The following CSMD1 variants were observed in gnomAD, a reference collection of about 807,000 sequenced individuals.
CSMD1 encodes CUB and sushi domain-containing protein 1.
A neutral mutation model predicts 417.5 loss-of-function variants in CSMD1; 213 were observed. That is an observed-to-expected ratio of 0.51 (90% CI 0.46 to 0.57). CSMD1 has a LOEUF of 0.57. Ranked by LOEUF, CSMD1 falls within the 20% of genes least tolerant of loss-of-function variation. The pLI is 0.00. For synonymous variants in CSMD1, 2,862 were observed against 1,736.8 expected (o/e 1.65, Z -16.11); for missense variants, 6,923 against 4,529.7 (o/e 1.53, Z -15.17).
intron 10 of CSMD1, among the ~76,000 whole-genome samples, chr8:3,504,689 C>T (rs1243343498): frequency 6.6e-6 from 1 of 152,138 alleles, no homozygotes; most frequent in African/African-American, 2.4e-5. Context: ...CTTTTGAATT[C>T]CCGGCAAATT....
chr8:4,673,396 C>A (rs534805497), intron 1 of CSMD1, among the ~76,000 whole-genome samples: 1 of 152,148 alleles, frequency 6.6e-6, no homozygotes, highest in Non-Finnish European at 1.5e-5. Context: ...CTGCTGCCAT[C>A]TGTAAGGATT....
chr8:4,352,090 C>G (rs1459571516), intron 3 of CSMD1, among the ~76,000 whole-genome samples: 1 of 152,036 alleles, frequency 6.6e-6, no homozygotes, highest in East Asian at 1.9e-4. Flanking sequence ...CCTTCTACTG[C>G]TGGAATACTT....
chr8:2,960,626 A>G (rs2128924911), intron 62 of CSMD1, among the ~76,000 whole-genome samples: 1 of 152,314 alleles, frequency 6.6e-6, no homozygotes, highest in South Asian at 2.1e-4. Flanking sequence ...TAGTACGCTA[A>G]TAATTCATAG....
At chr8:3,766,119 G>A (rs965119675) in intron 5 of CSMD1, among the ~76,000 whole-genome samples, 7 of 152,164 alleles carry the variant, frequency 4.6e-5, no homozygotes, top group African/African-American at 7.2e-5. Context: ...TAAGACAGTC[G>A]AGAGACAGTG....
At chr8:3,751,416 T>C (rs1414413967) in intron 6 of CSMD1, among the ~76,000 whole-genome samples, 1 of 147,898 alleles carries the variant, frequency 6.8e-6, no homozygotes, top group Non-Finnish European at 1.5e-5. Context: ...ATAAATTTAA[T>C]TAAATATAAC....
chr8:3,206,015 C>T (rs918045706), intron 30 of CSMD1, among the ~76,000 whole-genome samples: 4 of 152,114 alleles, frequency 2.6e-5, no homozygotes, highest in African/African-American at 9.7e-5. Flanking sequence ...AGTTTTCTAT[C>T]ACTTTTATAT....
rs771070742 is a variant in CSMD1, at chr8:4,266,765, T to G, written c.415+153188A>C. Among the ~76,000 whole-genome samples the G allele has an allele frequency of 3.8e-5, 4 of 105,010 alleles. 1 individual carries two copies. Among genetic ancestry groups the G allele is most frequent in the Non-Finnish European group, 7.7e-5 (3 of 38,948 alleles). 68.9% of individuals were successfully genotyped at this position (105,010 alleles called of 152,430 possible). Reference sequence around the variant, plus strand: ...TAAAAATTTGATGATCTATAAATCCTCAAAATAGTAGCACAGAGAATCTAG... The same window carrying G: ...TAAAAATTTGATGATCTATAAATCCGCAAAATAGTAGCACAGAGAATCTAG... On this transcript the variant is annotated intron_variant, in intron 3 of 69. Coordinates refer to ENST00000635120, the MANE Select transcript of CSMD1 (RefSeq NM_033225.6).
intron 2 of CSMD1, among the ~76,000 whole-genome samples, chr8:4,426,628 A>AATATC (rs966518292): frequency 5.4e-5 from 8 of 146,942 alleles, no homozygotes; most frequent in African/African-American, 2.0e-4. Flanking sequence ...TTTACTATAT[A>AATATC]ATATAGTAAT....
chr8:3,295,958 G>C (rs932987630), intron 25 of CSMD1, among the ~76,000 whole-genome samples: 1 of 152,078 alleles, frequency 6.6e-6, no homozygotes, highest in African/African-American at 2.4e-5. Flanking sequence ...GTTGAGTCCT[G>C]CCTTCGTGGA....
At chr8:4,257,115 T>TA (rs1382112703) in intron 3 of CSMD1, among the ~76,000 whole-genome samples, 1 of 152,204 alleles carries the variant, frequency 6.6e-6, no homozygotes, top group East Asian at 1.9e-4. Flanking sequence ...ATACTCTATA[T>TA]GAGTCATACT....
At chr8:3,155,157 C>A (rs1442439699) in intron 39 of CSMD1, among the ~76,000 whole-genome samples, 1 of 151,876 alleles carries the variant, frequency 6.6e-6, no homozygotes, top group African/African-American at 2.4e-5. Context: ...TACAAAGTGA[C>A]AGCAAAGGCA....
Position 4,148,116 on chromosome 8 carries a change from C to G in CSMD1, c.416-116017G>C, listed in dbSNP as rs143131915. On this transcript the variant is annotated intron_variant, in intron 3 of 69. Transcript: ENST00000635120. ...CATAACACAGATGGCATCTTTGATGCGCGTGACATGCTCTGGGTGAAGCTC... is the reference window on the plus strand; with the variant it reads ...CATAACACAGATGGCATCTTTGATGGGCGTGACATGCTCTGGGTGAAGCTC... 2.8e-3 allele frequency among the ~76,000 whole-genome samples: 423 copies of G among 152,186 alleles called. 6 individuals are homozygous for G. The highest frequency in any genetic ancestry group is 9.8e-3 in the African/African-American group (408 of 41,508).
intron 25 of CSMD1, among the ~76,000 whole-genome samples, chr8:3,291,125 A>T (rs190538981): frequency 0.022 from 3,318 of 152,244 alleles, 117 homozygotes; most frequent in African/African-American, 0.074. Flanking sequence ...GCTAGATTAC[A>T]TTTATTGATT....
intron 5 of CSMD1, among the ~76,000 whole-genome samples, chr8:3,862,386 T>C (rs940186885): frequency 1.5e-5 from 2 of 133,568 alleles, no homozygotes; most frequent in African/African-American, 6.9e-5. Flanking sequence ...GGCCCTTTCA[T>C]TTTCTCTTCC....
intron 50 of CSMD1, among the ~76,000 whole-genome samples, chr8:3,036,061 T>C (rs1446563910): frequency 6.6e-6 from 1 of 152,222 alleles, no homozygotes; most frequent in Non-Finnish European, 1.5e-5. Context: ...GTTGAAAGTA[T>C]AAACAATATA....
intron 2 of CSMD1, among the ~76,000 whole-genome samples, chr8:4,582,361 T>C (rs1563307350): frequency 6.6e-6 from 1 of 152,158 alleles, no homozygotes; most frequent in Non-Finnish European, 1.5e-5. Context: ...TATTACAAGA[T>C]AAACATAATT....
At chr8:4,198,293 A>C (rs1390891869) in intron 3 of CSMD1, among the ~76,000 whole-genome samples, 1 of 152,238 alleles carries the variant, frequency 6.6e-6, no homozygotes, top group Non-Finnish European at 1.5e-5. Context: ...ACCCCAGAGA[A>C]GTGGCAGCAG....
chr8:4,723,334 G>C (rs944709180), intron 1 of CSMD1, among the ~76,000 whole-genome samples: 1 of 152,136 alleles, frequency 6.6e-6, no homozygotes, highest in Non-Finnish European at 1.5e-5. Context: ...CCGGGAGTTA[G>C]AAGAAAACTC....
At chr8:4,360,465 C>G (rs1801687889) in intron 3 of CSMD1, among the ~76,000 whole-genome samples, 1 of 152,118 alleles carries the variant, frequency 6.6e-6, no homozygotes, top group African/African-American at 2.4e-5. Context: ...TTATCATAAC[C>G]TCTTTTTTCT....
Sources: allele counts gnomAD v4.1 joint callset (sites outside exome capture counted in the v4.1 genomes callset), GRCh38; gene constraint gnomAD v4.1.1; transcripts MANE v1.5; gene names NCBI Gene and HGNC (gene_info 2026-07-23, HGNC 2026-07-21).